The following LRBA variants were observed in gnomAD, a reference collection of about 807,000 sequenced individuals.
The protein encoded by LRBA is lipopolysaccharide-responsive and beige-like anchor protein.
LRBA carries 176 observed loss-of-function variants against 330.0 expected under a neutral mutation model. That is an observed-to-expected ratio of 0.53 (90% CI 0.47 to 0.60). The LOEUF is 0.60. Ranked by LOEUF, LRBA falls within the 20% of genes least tolerant of loss-of-function variation. The pLI is 0.00. For synonymous variants in LRBA, 1,230 were observed against 1,193.0 expected (o/e 1.03, Z -0.64); for missense variants, 3,259 against 3,444.8 (o/e 0.95, Z 1.35).
At chr4:150,725,250 G>C (rs1212329810) in intron 36 of LRBA, among the ~76,000 whole-genome samples, 1 of 151,974 alleles carries the variant, frequency 6.6e-6, no homozygotes, top group Admixed American at 6.6e-5. Flanking sequence ...TCAAGTAAAA[G>C]AAGCTTATAG....
chr4:150,413,670 G>A (rs910630441), intron 47 of LRBA, among the ~76,000 whole-genome samples: 8 of 152,168 alleles, frequency 5.3e-5, no homozygotes, highest in African/African-American at 7.2e-5. Context: ...TTTTGTACTC[G>A]TGAGTGTTCT....
chr4:150,967,162 T>G (rs1738995802), intron 2 of LRBA, among the ~76,000 whole-genome samples: 1 of 152,198 alleles, frequency 6.6e-6, no homozygotes, highest in Non-Finnish European at 1.5e-5. Flanking sequence ...AACTCCAATT[T>G]AATTCAGAAC....
intron 40 of LRBA, among the ~76,000 whole-genome samples, chr4:150,498,335 T>A (rs1004194922): frequency 6.6e-6 from 1 of 152,188 alleles, no homozygotes; most frequent in Non-Finnish European, 1.5e-5. Context: ...AAATGATGCA[T>A]CTTAAAAGCC....
chr4:150,689,656 T>C (rs1024893776), intron 36 of LRBA, among the ~76,000 whole-genome samples: 8 of 152,178 alleles, frequency 5.3e-5, no homozygotes, highest in Non-Finnish European at 8.8e-5. Flanking sequence ...CCGGGCAAGA[T>C]GGCTCACATC....
chr4:150,779,365 CTAA>C (rs975611038), intron 34 of LRBA, among the ~76,000 whole-genome samples: 5 of 151,492 alleles, frequency 3.3e-5, no homozygotes, highest in African/African-American at 1.2e-4. Flanking sequence ...TTATTTTAAA[CTAA>C]TAATCATAAA....
Position 150,893,149 on chromosome 4 carries a change from C to G in LRBA, c.2068G>C (p.Asp690His). The G allele has an allele frequency of 6.3e-7, 1 of 1,578,702 alleles. No homozygotes were observed. The highest frequency in any genetic ancestry group is 8.6e-7 in the Non-Finnish European group (1 of 1,156,198). ...TGTAGGACATCCATTAGATTGTCAT[C>G]CTATAATCATTTTAGAAATTTTTTT... ...ILNYLLTMHE[D>H]DNLMDVLQLL... The change falls in exon 17 of 57, where the codon GAT becomes CAT. Residue 690 changes from aspartate (D) to histidine (H), a missense_variant and splice_region_variant. By Grantham distance (81) the Asp-to-His change is moderately conservative. Transcript: ENST00000651943.
At chr4:150,815,333 A>G (rs1744406988) in intron 31 of LRBA, among the ~76,000 whole-genome samples, 1 of 151,340 alleles carries the variant, frequency 6.6e-6, no homozygotes, top group Admixed American at 6.6e-5. Context: ...ATGAATTACC[A>G]AATTATTTCT....
intron 46 of LRBA, among the ~76,000 whole-genome samples, chr4:150,417,164 T>G (rs546027162): frequency 1.3e-5 from 2 of 152,244 alleles, no homozygotes; most frequent in East Asian, 3.9e-4. Context: ...CTTTTAGCAT[T>G]TTCATGATGA....
intron 37 of LRBA, among the ~76,000 whole-genome samples, chr4:150,635,760 C>T (rs1430806390): frequency 1.3e-5 from 2 of 152,060 alleles, no homozygotes; most frequent in South Asian, 2.1e-4. Flanking sequence ...TATTACCTTC[C>T]GATTTTAAGC....
intron 49 of LRBA, among the ~76,000 whole-genome samples, chr4:150,323,319 AG>A (rs1315133125): frequency 6.6e-6 from 1 of 152,166 alleles, no homozygotes; most frequent in Non-Finnish European, 1.5e-5. Context: ...TATTTACGAA[AG>A]TCAATTTATA....
At chr4:150,618,008 G>A (rs1011248642) in intron 37 of LRBA, among the ~76,000 whole-genome samples, 7 of 152,070 alleles carry the variant, frequency 4.6e-5, no homozygotes, top group African/African-American at 1.7e-4. Flanking sequence ...GGAGGCTGAG[G>A]TGGGAGGATC....
chr4:150,701,551 A>T (rs548310861), intron 36 of LRBA, among the ~76,000 whole-genome samples: 1 of 152,274 alleles, frequency 6.6e-6, no homozygotes, highest in Non-Finnish European at 1.5e-5. Flanking sequence ...CTCCATTAAA[A>T]TCTCATAGGA....
In LRBA at chr4:150,310,347, G is replaced by A. The variant is rs781535046; in HGVS notation, c.7731C>T (p.Asp2577=). The A allele has an allele frequency of 1.2e-6, 2 of 1,613,336 alleles. No individual in the cohort carries two copies. Among genetic ancestry groups the A allele is most frequent in the South Asian group, 1.1e-5 (1 of 91,024 alleles). ...GCACTTGAATACTTTGGTCTAAAAGGTCAGTGATTTGCCTCCTGTGCATTC... is the reference window on the plus strand; with the variant it reads ...GCACTTGAATACTTTGGTCTAAAAGATCAGTGATTTGCCTCCTGTGCATTC... ...NTGMHRRQIT[D]LLDQSIQVHS... Residue 2577 remains aspartate, a synonymous_variant, in exon 52 of 57, where the codon GAC becomes GAT. Coordinates refer to ENST00000651943, the MANE Select transcript of LRBA (RefSeq NM_001364905.1).
chr4:150,398,924 A>G (rs1377401555), intron 47 of LRBA, among the ~76,000 whole-genome samples: 3 of 152,164 alleles, frequency 2.0e-5, no homozygotes, highest in Non-Finnish European at 2.9e-5. Flanking sequence ...CACCATGCCC[A>G]GCCCTTTTCA....
chr4:150,456,286 C>G (rs1581371277), intron 44 of LRBA, among the ~76,000 whole-genome samples: 1 of 152,166 alleles, frequency 6.6e-6, no homozygotes, highest in Admixed American at 6.6e-5. Context: ...TATGTTCCTA[C>G]CAACAGTGTA....
intron 8 of LRBA, among the ~76,000 whole-genome samples, chr4:150,914,896 G>A (rs1175116800): frequency 9.9e-5 from 15 of 152,090 alleles, no homozygotes; most frequent in Non-Finnish European, 1.0e-4. Flanking sequence ...ACAACTTTCT[G>A]AGGTATGAAT....
intron 31 of LRBA, 28 bp downstream of exon 31, chr4:150,817,096 T>C: frequency 6.2e-7 from 1 of 1,601,844 alleles, no homozygotes; most frequent in Non-Finnish European, 8.5e-7. Flanking sequence ...AAAAACATTT[T>C]TGTTGAAATC....
At chr4:150,662,053 A>G (rs915026270) in intron 37 of LRBA, among the ~76,000 whole-genome samples, 10 of 152,320 alleles carry the variant, frequency 6.6e-5, no homozygotes, top group African/African-American at 2.2e-4. Context: ...GTTTGTATAC[A>G]GCATTTTAAG....
At chr4:150,301,407 C>T (rs1387665691) in intron 53 of LRBA, among the ~76,000 whole-genome samples, 1 of 152,028 alleles carries the variant, frequency 6.6e-6, no homozygotes, top group Non-Finnish European at 1.5e-5. Flanking sequence ...CATTATTTTT[C>T]ATATCCTATT....
Sources: allele counts gnomAD v4.1 joint callset (sites outside exome capture counted in the v4.1 genomes callset), GRCh38; gene constraint gnomAD v4.1.1; transcripts MANE v1.5; gene names NCBI Gene and HGNC (gene_info 2026-07-23, HGNC 2026-07-21).